The following ATP9A variants were observed in gnomAD, a reference collection of about 807,000 sequenced individuals.
ATP9A encodes the protein ATPase phospholipid transporting 9A.
Under a neutral mutation model 144.1 loss-of-function variants are expected in ATP9A, and 52 were observed. That is an observed-to-expected ratio of 0.36 (90% CI 0.29 to 0.45). ATP9A has a LOEUF of 0.45. Among genes scored for constraint, ATP9A ranks in the 20% least tolerant of loss-of-function variants. ATP9A has a pLI of 1.00. For synonymous variants in ATP9A, 582 were observed against 557.4 expected (o/e 1.04, Z -0.62); for missense variants, 947 against 1,392.7 (o/e 0.68, Z 5.09).
chr20:51,717,949 CAA>C (rs1478090701), intron 3 of ATP9A, among the ~76,000 whole-genome samples: 13 of 114,002 alleles, frequency 1.1e-4, no homozygotes, highest in East Asian at 2.5e-4. Context: ...GACTCCGTCT[CAA>C]AAAAAAAAAA....
At chr20:51,757,760 G>A (rs1317836396) in intron 1 of ATP9A, among the ~76,000 whole-genome samples, 1 of 152,074 alleles carries the variant, frequency 6.6e-6, no homozygotes, top group African/African-American at 2.4e-5. Context: ...ACAAAAATTA[G>A]CCAGGTATGG....
At chr20:51,696,281 G>T in intron 5 of ATP9A, 137 bp from the exon 6 acceptor site, 2 of 633,292 alleles carry the variant, frequency 3.2e-6, no homozygotes, top group Non-Finnish European at 5.6e-6. Context: ...ACTCTTTTAC[G>T]TTTCTGCCTT....
chr20:51,607,659 A>G (rs1396711786), intron 25 of ATP9A, 75 bp from the exon 26 acceptor site: 1 of 1,211,374 alleles, frequency 8.3e-7, no homozygotes, highest in Non-Finnish European at 1.2e-6. Flanking sequence ...CTTTCACGTT[A>G]TTCTCCCGCT....
At chr20:51,694,376 C>T (rs910172261) in intron 6 of ATP9A, among the ~76,000 whole-genome samples, 4 of 152,228 alleles carry the variant, frequency 2.6e-5, no homozygotes, top group East Asian at 1.9e-4. Context: ...CGTGGAGAAA[C>T]GCAGACTTCG....
chr20:51,657,784 G>A (rs570742240), intron 13 of ATP9A, among the ~76,000 whole-genome samples: 6 of 152,314 alleles, frequency 3.9e-5, no homozygotes, highest in East Asian at 1.9e-4. Context: ...CCAGCAAGGC[G>A]TCAGGAACAG....
At chr20:51,678,344 T>C (rs916933502) in intron 9 of ATP9A, among the ~76,000 whole-genome samples, 3 of 151,996 alleles carry the variant, frequency 2.0e-5, no homozygotes, top group African/African-American at 7.3e-5. Flanking sequence ...TGTCAGGAGA[T>C]ACAAAAATCC....
intron 1 of ATP9A, 44 bp downstream of exon 1, chr20:51,768,258 C>T: frequency 8.3e-7 from 1 of 1,204,502 alleles, no homozygotes. Context: ...CGCCGGGCTC[C>T]GGGAGGCGCG....
At chr20:51,650,864 C>T (rs1267504522) in intron 14 of ATP9A, among the ~76,000 whole-genome samples, 1 of 151,576 alleles carries the variant, frequency 6.6e-6, no homozygotes, top group African/African-American at 2.4e-5. Flanking sequence ...CATGTGCACA[C>T]ACATACTAAC....
intron 4 of ATP9A, among the ~76,000 whole-genome samples, chr20:51,699,258 G>A (rs535239310): frequency 2.7e-5 from 4 of 150,084 alleles, no homozygotes; most frequent in South Asian, 4.3e-4. Context: ...GCTTGAACCC[G>A]GGAGGTGGAG....
chr20:51,737,741 A>T (rs962844378), intron 1 of ATP9A, among the ~76,000 whole-genome samples: 1 of 152,202 alleles, frequency 6.6e-6, no homozygotes, highest in Non-Finnish European at 1.5e-5. Flanking sequence ...ATATTAACTA[A>T]GCAAAAAACT....
chr20:51,746,165 G>A (rs1030740720), intron 1 of ATP9A, among the ~76,000 whole-genome samples: 1 of 152,178 alleles, frequency 6.6e-6, no homozygotes, highest in East Asian at 1.9e-4. Context: ...AAGAGACACT[G>A]GGGGTCTATC....
chr20:51,624,836 T>C (rs1443272088), intron 18 of ATP9A, among the ~76,000 whole-genome samples: 3 of 151,876 alleles, frequency 2.0e-5, no homozygotes, highest in Non-Finnish European at 4.4e-5. Flanking sequence ...TGAAACCCTC[T>C]ATCTACAAAA....
intron 14 of ATP9A, among the ~76,000 whole-genome samples, chr20:51,642,279 C>T (rs185195828): frequency 3.9e-5 from 6 of 152,130 alleles, no homozygotes; most frequent in Admixed American, 1.3e-4. Flanking sequence ...ATCAGCCTCC[C>T]AAGTAGCTGG....
At chr20:51,607,438 TTCTTC>T (rs1426999470) in intron 26 of ATP9A, 84 bp downstream of exon 26, 1 of 1,233,046 alleles carries the variant, frequency 8.1e-7, no homozygotes, top group African/African-American at 1.5e-5. Flanking sequence ...TCAGATTCGT[TTCTTC>T]TCTTCTTGTT....
intron 11 of ATP9A, among the ~76,000 whole-genome samples, chr20:51,672,005 G>T (rs1042975280): frequency 6.6e-6 from 1 of 151,964 alleles, no homozygotes; most frequent in Non-Finnish European, 1.5e-5. Flanking sequence ...TCACCATGTT[G>T]CCCAGGCTGG....
rs2077131834 is a variant in ATP9A, at chr20:51,599,164, G to C, written c.*2047C>G. 6.6e-6 allele frequency: 1 copy of C among 152,206 alleles called. No homozygotes were observed. Among genetic ancestry groups the C allele is most frequent in the Non-Finnish European group, 1.5e-5 (1 of 68,060 alleles). 9.4% of individuals were successfully genotyped at this position (152,206 alleles called of 1,614,324 possible). ...AGGCTCCCACACGCCCTGCCTGCAG[G>C]AGCCAGCATCCCGAATCTCCGAGCA... On this transcript the variant is annotated 3_prime_UTR_variant, in exon 28 of 28. Coordinates refer to ENST00000338821, the MANE Select transcript of ATP9A (RefSeq NM_006045.3).
rs750345600 is a variant in ATP9A, at chr20:51,674,319, G to A, written c.877-6C>T. The A allele has an allele frequency of 1.9e-6, 3 of 1,612,396 alleles. No homozygotes were observed. The highest frequency in any genetic ancestry group is 3.3e-5 in the Admixed American group (2 of 59,854). ...TCCAAGTCGAACAGGCCGATCTGTGGGACGAAGCACAAACCAGGGCTTGAG... is the reference window on the plus strand; with the variant it reads ...TCCAAGTCGAACAGGCCGATCTGTGAGACGAAGCACAAACCAGGGCTTGAG... On this transcript the variant is annotated splice_region_variant and splice_polypyrimidine_tract_variant and intron_variant, in intron 10 of 27. Coordinates refer to ENST00000338821, the MANE Select transcript of ATP9A (RefSeq NM_006045.3).
chr20:51,751,649 G>A (rs142611980), intron 1 of ATP9A, among the ~76,000 whole-genome samples: 2,362 of 152,078 alleles, frequency 0.016, 62 homozygotes, highest in African/African-American at 0.054. Context: ...GTGCAATGGC[G>A]CAATCTCGGC....
intron 22 of ATP9A, among the ~76,000 whole-genome samples, chr20:51,615,510 A>C (rs2077199818): frequency 6.6e-6 from 1 of 151,960 alleles, no homozygotes; most frequent in Non-Finnish European, 1.5e-5. Context: ...ATATTTGTAT[A>C]GATAGCAAAT....
Sources: allele counts gnomAD v4.1 joint callset (sites outside exome capture counted in the v4.1 genomes callset), GRCh38; gene constraint gnomAD v4.1.1; transcripts MANE v1.5; gene names NCBI Gene and HGNC (gene_info 2026-07-23, HGNC 2026-07-21).